Variants in ANK3 observed in about 807,000 individuals in gnomAD.
ANK3 encodes the protein ankyrin 3.
Under a neutral mutation model 370.9 loss-of-function variants are expected in ANK3, and 57 were observed. The observed-to-expected ratio is 0.15, with a 90% CI of 0.12 to 0.19. ANK3 has a LOEUF of 0.19. ANK3 is among the 10% of genes least tolerant of loss of function. ANK3 has a pLI of 1.00. For missense variants in ANK3, 4,439 were observed against 5,302.1 expected (o/e 0.84, Z 5.06); for synonymous variants, 1,929 against 1,946.3 (o/e 0.99, Z 0.23).
chr10:60,439,761 G>A (rs1476313123), intron 2 of ANK3, among the ~76,000 whole-genome samples: 1 of 152,116 alleles, frequency 6.6e-6, no homozygotes, highest in Admixed American at 6.6e-5. Context: ...ACCTCTCTGG[G>A]CTTTAGTTGC....
intron 2 of ANK3, among the ~76,000 whole-genome samples, chr10:60,485,956 A>T (rs2075336946): frequency 6.6e-6 from 1 of 152,212 alleles, no homozygotes; most frequent in Admixed American, 6.5e-5. Flanking sequence ...AATGAGATGG[A>T]AAAATGAAGG....
intron 2 of ANK3, among the ~76,000 whole-genome samples, chr10:60,415,340 A>G (rs2063639846): frequency 6.6e-6 from 1 of 152,184 alleles, no homozygotes; most frequent in Non-Finnish European, 1.5e-5. Flanking sequence ...AAAAACTACA[A>G]TCATTCAGAG....
At chr10:60,366,671 G>A (rs542015965) in intron 1 of ANK3, among the ~76,000 whole-genome samples, 23 of 152,188 alleles carry the variant, frequency 1.5e-4, no homozygotes, top group African/African-American at 5.3e-4. Flanking sequence ...GAGGCAGGGA[G>A]GAAATCACTC....
At chr10:60,273,281 T>G (rs534242609) in intron 4 of ANK3, among the ~76,000 whole-genome samples, 3 of 152,214 alleles carry the variant, frequency 2.0e-5, no homozygotes, top group Non-Finnish European at 1.5e-5. Flanking sequence ...TACCTGAAAG[T>G]TGGTCATTTT....
At chr10:60,664,938 A>C (rs1331338107) in intron 1 of ANK3, among the ~76,000 whole-genome samples, 1 of 152,240 alleles carries the variant, frequency 6.6e-6, no homozygotes, top group Non-Finnish European at 1.5e-5. Context: ...AAAAAGAATA[A>C]GCCTTAAACC....
intron 1 of ANK3, among the ~76,000 whole-genome samples, chr10:60,366,758 TCA>T (rs2059438286): frequency 1.3e-5 from 2 of 152,122 alleles, no homozygotes; most frequent in African/African-American, 4.8e-5. Flanking sequence ...CTATCCTTTT[TCA>T]CAGAGTTACA....
At chr10:60,376,989 C>T (rs1376713874) in intron 1 of ANK3, among the ~76,000 whole-genome samples, 6 of 152,166 alleles carry the variant, frequency 3.9e-5, no homozygotes, top group Admixed American at 1.3e-4. Context: ...TTAACAATGG[C>T]CATGCTTCAA....
At chr10:60,667,892 A>G (rs567962335) in intron 1 of ANK3, among the ~76,000 whole-genome samples, 3 of 151,710 alleles carry the variant, frequency 2.0e-5, no homozygotes, top group African/African-American at 7.3e-5. Context: ...AGCTTGCAAC[A>G]GAATCACTCA....
At chr10:60,288,176 C>T (rs2040470060) in intron 1 of ANK3, among the ~76,000 whole-genome samples, 2 of 152,054 alleles carry the variant, frequency 1.3e-5, no homozygotes, top group African/African-American at 4.8e-5. Flanking sequence ...GCTCACCAAC[C>T]CTCCTCACTT....
At chr10:60,357,142 A>G (rs576903826) in intron 1 of ANK3, among the ~76,000 whole-genome samples, 22 of 152,150 alleles carry the variant, frequency 1.4e-4, no homozygotes, top group Non-Finnish European at 2.5e-4. Context: ...TGCAGCTTCA[A>G]CATTCAGGTA....
intron 1 of ANK3, among the ~76,000 whole-genome samples, chr10:60,718,528 G>GA (rs537567141): frequency 7.8e-4 from 114 of 146,854 alleles, no homozygotes; most frequent in Middle Eastern, 3.5e-3. Context: ...AACATAGAAG[G>GA]AAAAAAAAAA....
intron 2 of ANK3, among the ~76,000 whole-genome samples, chr10:60,560,938 T>C (rs2077321257): frequency 6.6e-6 from 1 of 152,198 alleles, no homozygotes; most frequent in African/African-American, 2.4e-5. Context: ...ATGAACTGGC[T>C]TGAAAAAACA....
chr10:60,517,959 T>C (rs2076260906), intron 2 of ANK3, among the ~76,000 whole-genome samples: 2 of 152,138 alleles, frequency 1.3e-5, no homozygotes. Context: ...TCTGCTCCTA[T>C]TATGCATCTC....
rs192429732 is a variant in ANK3, at chr10:60,089,579, A to T, written c.3329-1221T>A. ...GCTTCATTGGAATAAATGATTAAAAATTTTTATGGCATAATAAGTGTTTGA... is the reference window on the plus strand; with the variant it reads ...GCTTCATTGGAATAAATGATTAAAATTTTTTATGGCATAATAAGTGTTTGA... On this transcript the variant is annotated intron_variant, in intron 28 of 43. Transcript: ENST00000280772. Among the ~76,000 whole-genome samples, 145 of 152,142 alleles carry T rather than the reference A, an allele frequency of 9.5e-4. 1 individual carries two copies. Among genetic ancestry groups the T allele is most frequent in the African/African-American group, 3.4e-3 (140 of 41,482 alleles).
intron 39 of ANK3, among the ~76,000 whole-genome samples, chr10:60,063,504 T>A (rs2081019475): frequency 6.6e-6 from 1 of 152,224 alleles, no homozygotes; most frequent in Non-Finnish European, 1.5e-5. Context: ...AATAACTAGA[T>A]TCCTGTTGGC....
intron 28 of ANK3, among the ~76,000 whole-genome samples, chr10:60,097,894 C>T (rs755342466): frequency 6.6e-6 from 1 of 152,142 alleles, no homozygotes; most frequent in Admixed American, 6.5e-5. Flanking sequence ...TAGTCAGGTG[C>T]AGGCTTTTCT....
chr10:60,192,874 C>A (rs1277121067), intron 16 of ANK3, among the ~76,000 whole-genome samples: 1 of 152,112 alleles, frequency 6.6e-6, no homozygotes, highest in African/African-American at 2.4e-5. Flanking sequence ...TGCCTCAACA[C>A]CCTATATCAA....
At chr10:60,198,298 A>T in intron 14 of ANK3, 42 bp downstream of exon 14, 1 of 1,599,860 alleles carries the variant, frequency 6.3e-7, no homozygotes. Context: ...AGGAAGATGT[A>T]TTTGGGGGGA....
chr10:60,052,283 G>A (rs540527252), intron 42 of ANK3, among the ~76,000 whole-genome samples: 1 of 152,166 alleles, frequency 6.6e-6, no homozygotes, highest in African/African-American at 2.4e-5. Context: ...AGCTGAAATC[G>A]CGCCACTGCA....
Sources: allele counts gnomAD v4.1 joint callset (sites outside exome capture counted in the v4.1 genomes callset), GRCh38; gene constraint gnomAD v4.1.1; transcripts MANE v1.5; gene names NCBI Gene and HGNC (gene_info 2026-07-23, HGNC 2026-07-21).